Variants in SPIRE2 observed in about 807,000 individuals in gnomAD.
SPIRE2 encodes the protein spire type actin nucleation factor 2, also known as protein spire homolog 2.
In SPIRE2, 76 loss-of-function variants were observed where a neutral mutation model predicts 80.7. The observed-to-expected ratio is 0.94, with a 90% confidence interval of 0.78 to 1.14. The LOEUF (loss-of-function observed/expected upper bound fraction) is 1.14, where lower values mean the gene tolerates loss of function less well. Among genes scored for constraint, SPIRE2 ranks in the 50% most tolerant of loss-of-function variants. SPIRE2 has a pLI of 0.00. For synonymous variants in SPIRE2, 535 were observed against 432.6 expected, an observed-to-expected ratio of 1.24 and a Z score of -2.94; for missense variants, 1,196 against 1,015.3, an observed-to-expected ratio of 1.18 and a Z score of -2.42.
chr16:89,843,329 C>T (rs62056068), intron 1 of SPIRE2, among the ~76,000 whole-genome samples: 9,574 of 152,202 alleles, frequency 0.063, 456 homozygotes, highest in East Asian at 0.23. Flanking sequence ...GCGTGAGCAC[C>T]GGCAAAAGGC....
Position 89,870,470 on chromosome 16 carries a change from G to A in SPIRE2, c.*198G>A. On this transcript the variant is annotated 3_prime_UTR_variant, in exon 15 of 15. Coordinates refer to ENST00000378247, the MANE Select transcript of SPIRE2 (RefSeq NM_032451.2). ...GCGCACTTCAAAACCCTCCCTGGGG[G>A]AGGCTGTTTCTTCTCAGGATTCCTT... The A allele has an allele frequency of 1.9e-6, 1 of 526,816 alleles. No homozygotes were observed. Among genetic ancestry groups the A allele is most frequent in the Non-Finnish European group, 3.4e-6 (1 of 295,694 alleles). 32.6% of individuals were successfully genotyped at this position (526,816 alleles called of 1,614,324 possible).
chr16:89,870,029 G>C (rs780461796), intron 14 of SPIRE2, 21 bp from the exon 15 acceptor site: 10 of 1,604,064 alleles, frequency 6.2e-6, no homozygotes, highest in Non-Finnish European at 8.5e-6. Context: ...CTCTCCCTGA[G>C]TGCCCTCTCC....
At chr16:89,869,265 G>A (rs2041818220) in intron 13 of SPIRE2, among the ~76,000 whole-genome samples, 1 of 151,340 alleles carries the variant, frequency 6.6e-6, no homozygotes. Flanking sequence ...GAAAGTTCTT[G>A]CCCTCTAAGG....
rs2041826462 is a variant in SPIRE2, at chr16:89,870,096, C to A, written c.1969C>A (p.His657Asn). ...QWQSVEEAFP[H>N]IYSHGCVLKD... ...GCAGAGCGTGGAGGAGGCGTTCCCC[C>A]ACATCTACTCCCACGGCTGTGTCCT... Residue 657 changes from histidine to asparagine, a missense_variant, in exon 15 of 15, where the codon CAC becomes AAC. Coordinates refer to ENST00000378247, the MANE Select transcript of SPIRE2 (RefSeq NM_032451.2). The A allele has an allele frequency of 1.9e-6, 3 of 1,613,476 alleles. No homozygotes were observed. Among genetic ancestry groups the A allele is most frequent in the Admixed American group, 1.7e-5 (1 of 59,956 alleles).
intron 1 of SPIRE2, among the ~76,000 whole-genome samples, chr16:89,831,487 T>A (rs2041381539): frequency 6.7e-6 from 1 of 148,190 alleles, no homozygotes; most frequent in African/African-American, 2.5e-5. Context: ...AAGCTTCGCC[T>A]ACTGGGTTCA....
rs1041572457 is a variant in SPIRE2 at position 89,845,237 on chromosome 16, C to A, written c.245-85C>A. 1.6e-5 allele frequency: 20 copies of A among 1,226,338 alleles called. 1 individual carries two copies. The Middle Eastern group carries it at 5.7e-4, about 35-fold the overall frequency. The allele number at this position is 1,226,338 out of a possible 1,614,324, so 76.0% of individuals were successfully genotyped here. ...CGGAGAGTGGGGCTGTGGTGTGTGTCCCCGAGGGGGAGGTGGGGGGACAGC... is the reference window on the plus strand; with the variant it reads ...CGGAGAGTGGGGCTGTGGTGTGTGTACCCGAGGGGGAGGTGGGGGGACAGC... On this transcript the variant is annotated intron_variant, in intron 1 of 14. Transcript: ENST00000378247.
intron 7 of SPIRE2, among the ~76,000 whole-genome samples, chr16:89,857,720 G>A (rs555825060): frequency 2.0e-5 from 3 of 151,076 alleles, no homozygotes; most frequent in East Asian, 3.9e-4. Context: ...ACAGGCACGC[G>A]CCACCACACC....
chr16:89,866,150 A>G (rs2041787363), intron 12 of SPIRE2, among the ~76,000 whole-genome samples: 10 of 150,592 alleles, frequency 6.6e-5, no homozygotes, highest in Admixed American at 6.6e-4. Context: ...CCTGTCTGGG[A>G]AAAAAAAATC....
intron 3 of SPIRE2, among the ~76,000 whole-genome samples, chr16:89,851,229 C>T (rs2041624710): frequency 1.3e-5 from 2 of 152,196 alleles, no homozygotes; most frequent in Admixed American, 6.5e-5. Context: ...ATTATTCTCT[C>T]TTCCTCCACT....
chr16:89,838,011 T>TG (rs1470924330), intron 1 of SPIRE2, among the ~76,000 whole-genome samples: 2 of 151,840 alleles, frequency 1.3e-5, no homozygotes, highest in African/African-American at 4.8e-5. Context: ...CTTCTTTTTT[T>TG]GTTTTTATTT....
At chr16:89,858,189 T>G in intron 7 of SPIRE2, 149 bp from the exon 8 acceptor site, 3 of 857,818 alleles carry the variant, frequency 3.5e-6, no homozygotes, top group Non-Finnish European at 5.3e-6. Flanking sequence ...CCGGCCTAGT[T>G]CCTCATTTTT....
Position 89,854,345 on chromosome 16 carries a change from C to T in SPIRE2, c.705C>T (p.Asp235=). The T allele has an allele frequency of 1.2e-6, 2 of 1,612,544 alleles. No homozygotes were observed. Among genetic ancestry groups the T allele is most frequent in the Non-Finnish European group, 1.7e-6 (2 of 1,179,858 alleles). The stretch of plus-strand genomic sequence containing the variant: ...TGGAGACGCCTCGGGCAGAGCTGGA[C>T]AGCCTGGGTCACACAGACTGGGTAA... ...PHLETPRAEL[D]SLGHTDWARL... The change falls in exon 4 of 15, where the codon GAC becomes GAT. Residue 235 remains aspartate, a synonymous_variant. Coordinates refer to ENST00000378247, the MANE Select transcript of SPIRE2 (RefSeq NM_032451.2).
chr16:89,840,330 A>G (rs1261472020), intron 1 of SPIRE2, among the ~76,000 whole-genome samples: 1 of 149,926 alleles, frequency 6.7e-6, no homozygotes, highest in Non-Finnish European at 1.5e-5. Context: ...GCTCACTGCA[A>G]GCTCCACCTC....
At chr16:89,869,064 A>ATG (rs2041815916) in intron 13 of SPIRE2, among the ~76,000 whole-genome samples, 1 of 86,764 alleles carries the variant, frequency 1.2e-5, no homozygotes, top group African/African-American at 4.9e-5. Context: ...ATATATATAT[A>ATG]TATATATATA....
At chr16:89,836,551 C>T (rs546355937) in intron 1 of SPIRE2, 2 of 214,972 alleles carry the variant, frequency 9.3e-6, no homozygotes, top group South Asian at 1.4e-4. Context: ...ATTAAGCAGA[C>T]ACCAACGTTT....
chr16:89,843,607 G>C (rs1346269869), intron 1 of SPIRE2, among the ~76,000 whole-genome samples: 1 of 142,576 alleles, frequency 7.0e-6, no homozygotes, highest in Non-Finnish European at 1.5e-5. Flanking sequence ...TCTCATCTCA[G>C]ACCACAGGTT....
intron 5 of SPIRE2, among the ~76,000 whole-genome samples, chr16:89,855,136 C>T (rs2041677472): frequency 6.6e-6 from 1 of 152,144 alleles, no homozygotes; most frequent in African/African-American, 2.4e-5. Flanking sequence ...GATGGGGTTT[C>T]ACTGTGTTAG....
rs767468926 is a variant in SPIRE2, at chr16:89,863,996, T to C, written c.1778+135T>C. ...CGATGGCTGATGAGTCCACAAGATA[T>C]GGTTAGTACGAATGAGGAGTTAAAT... On this transcript the variant is annotated intron_variant, in intron 12 of 14. Coordinates refer to ENST00000378247, the MANE Select transcript of SPIRE2 (RefSeq NM_032451.2). The surrounding 1 kb of genome is among the most constrained non-coding windows in gnomAD (Gnocchi z 4.3). 7.9e-6 allele frequency: 5 copies of C among 633,258 alleles called. No homozygotes were observed. The highest frequency in any genetic ancestry group is 6.0e-5 in the Admixed American group (2 of 33,100). 39.2% of individuals were successfully genotyped at this position (633,258 alleles called of 1,614,324 possible). A position where few individuals can be genotyped will look rare whatever the true frequency, so the allele number is the denominator to read the frequency against.
chr16:89,861,657 C>T (rs1481236587), intron 10 of SPIRE2, among the ~76,000 whole-genome samples: 1 of 152,218 alleles, frequency 6.6e-6, no homozygotes, highest in Non-Finnish European at 1.5e-5. Flanking sequence ...AGCTGTGTGG[C>T]CATGGCTCAG....
Sources: gnomAD v4.1 joint callset for allele counts (sites outside exome capture counted in the v4.1 genomes callset) on GRCh38, gnomAD v4.1.1 for gene constraint, Gnocchi (gnomAD v3.1) non-coding constraint, MANE v1.5 for transcripts, NCBI Gene and HGNC (gene_info 2026-07-23, HGNC 2026-07-21) for gene names.